The following SNTG2 variants were observed in gnomAD, a reference collection of about 807,000 sequenced individuals.
The protein encoded by SNTG2 is gamma-2-syntrophin.
SNTG2 carries 74 observed loss-of-function variants against 70.9 expected under a neutral mutation model. The ratio of observed to expected loss-of-function variants is 1.04; its 90% confidence interval spans 0.86 to 1.27. The LOEUF (loss-of-function observed/expected upper bound fraction) is 1.27, where lower values mean the gene tolerates loss of function less well. SNTG2 is among the 50% of genes most tolerant of loss of function. The pLI is 0.00. For missense variants in SNTG2, 717 were observed against 690.7 expected (o/e 1.04, Z -0.43); for synonymous variants, 278 against 273.8 (o/e 1.02, Z -0.15).
chr2:977,500 G>A (rs1279817070), intron 1 of SNTG2, among the ~76,000 whole-genome samples: 3 of 152,064 alleles, frequency 2.0e-5, no homozygotes, highest in South Asian at 2.1e-4. Context: ...CCCCTGACCC[G>A]CTGCCTCCAC....
intron 1 of SNTG2, among the ~76,000 whole-genome samples, chr2:982,744 G>C (rs760208154): frequency 6.6e-6 from 1 of 152,196 alleles, no homozygotes. Context: ...TGCTCACTCA[G>C]CACCTCGGGT....
At chr2:1,061,357 A>G (rs1358288215) in intron 1 of SNTG2, among the ~76,000 whole-genome samples, 1 of 152,236 alleles carries the variant, frequency 6.6e-6, no homozygotes, top group African/African-American at 2.4e-5. Flanking sequence ...GATCATGATC[A>G]ATGGGGTCAC....
intron 4 of SNTG2, among the ~76,000 whole-genome samples, chr2:1,122,202 T>C (rs1398745423): frequency 1.3e-5 from 2 of 152,152 alleles, no homozygotes; most frequent in African/African-American, 2.4e-5. Context: ...TATGAATACT[T>C]CTCAAACTCT....
At chr2:1,035,372 A>G (rs779806553) in intron 1 of SNTG2, among the ~76,000 whole-genome samples, 1 of 152,158 alleles carries the variant, frequency 6.6e-6, no homozygotes, top group Non-Finnish European at 1.5e-5. Flanking sequence ...GCAGTGCTCT[A>G]TGGTGCTGTA....
At chr2:1,152,706 A>G (rs74413841) in intron 6 of SNTG2, among the ~76,000 whole-genome samples, 3,241 of 152,326 alleles carry the variant, frequency 0.021, 114 homozygotes, top group African/African-American at 0.074. Context: ...TTTATCCGGC[A>G]GGTAGATTTT....
chr2:1,340,901 G>T (rs1160941498), intron 16 of SNTG2: 2 of 152,066 alleles, frequency 1.3e-5, no homozygotes, highest in Non-Finnish European at 2.9e-5. Flanking sequence ...AAGACACCTG[G>T]CTCAAAGAAA....
At chr2:1,190,678 T>C (rs1347090659) in intron 8 of SNTG2, among the ~76,000 whole-genome samples, 1 of 151,602 alleles carries the variant, frequency 6.6e-6, no homozygotes, top group Non-Finnish European at 1.5e-5. Flanking sequence ...ACAAAATATA[T>C]AATTGAATAT....
chr2:1,334,253 T>G (rs774409662), intron 16 of SNTG2, among the ~76,000 whole-genome samples: 1 of 152,114 alleles, frequency 6.6e-6, no homozygotes, highest in Non-Finnish European at 1.5e-5. Context: ...TAAGCTACCT[T>G]ACTCCTGCAA....
At chr2:955,007 T>C (rs58740305) in intron 1 of SNTG2, among the ~76,000 whole-genome samples, 5,812 of 152,308 alleles carry the variant, frequency 0.038, 366 homozygotes, top group African/African-American at 0.13. Flanking sequence ...TTTAAGAAAG[T>C]GAGTATGCTT....
At position 1,301,683 on chromosome 2, in the gene SNTG2, C is replaced by T. The variant is rs1305587299; in HGVS notation, c.1285-6811C>T. On this transcript the variant is annotated intron_variant, in intron 14 of 16. Transcript: ENST00000308624. ...CTACAGAGGCCAGAAGGGAGTGTCC[C>T]AATATTGTTTTAAGTGCTGAAAGAA... Among the ~76,000 whole-genome samples the T allele has an allele frequency of 2.6e-5, 4 of 152,060 alleles. No homozygotes were observed. The East Asian group carries it at 5.8e-4, about 22-fold the overall frequency.
chr2:1,001,515 C>G (rs909170276), intron 1 of SNTG2, among the ~76,000 whole-genome samples: 2 of 151,780 alleles, frequency 1.3e-5, no homozygotes, highest in Admixed American at 1.3e-4. Context: ...ATTCCATGTA[C>G]AATAGCTACA....
intron 1 of SNTG2, among the ~76,000 whole-genome samples, chr2:1,025,449 C>T (rs1459669933): frequency 6.6e-6 from 1 of 152,146 alleles, no homozygotes; most frequent in Non-Finnish European, 1.5e-5. Context: ...TTTTTTACTG[C>T]AGAGCACAAA....
intron 1 of SNTG2, among the ~76,000 whole-genome samples, chr2:1,062,090 C>G (rs1489491653): frequency 1.3e-5 from 2 of 152,068 alleles, no homozygotes; most frequent in Non-Finnish European, 2.9e-5. Flanking sequence ...ACAAATGCTA[C>G]AATGAAGGAT....
intron 1 of SNTG2, among the ~76,000 whole-genome samples, chr2:1,039,312 A>G (rs1234328029): frequency 6.6e-6 from 1 of 152,196 alleles, no homozygotes; most frequent in African/African-American, 2.4e-5. Context: ...TTTTCTCACA[A>G]TTAGATTGCA....
intron 1 of SNTG2, among the ~76,000 whole-genome samples, chr2:971,675 TG>T (rs1249123262): frequency 6.6e-6 from 1 of 151,932 alleles, no homozygotes; most frequent in Non-Finnish European, 1.5e-5. Context: ...ACTCTAATTT[TG>T]TTTCTTTTCT....
intron 8 of SNTG2, among the ~76,000 whole-genome samples, chr2:1,198,695 A>G (rs1673081525): frequency 1.3e-5 from 2 of 152,098 alleles, no homozygotes; most frequent in Admixed American, 6.5e-5. Context: ...ATTAGAAACA[A>G]AAAAGATTTT....
chr2:1,354,818 G>A (rs1573021467), intron 16 of SNTG2, among the ~76,000 whole-genome samples: 2 of 152,240 alleles, frequency 1.3e-5, no homozygotes, highest in Admixed American at 6.5e-5. Context: ...CTGGAGTGAC[G>A]TGTGAGAAGA....
chr2:1,118,808 TGAGA>T (rs982455551), intron 4 of SNTG2, among the ~76,000 whole-genome samples: 4 of 151,984 alleles, frequency 2.6e-5, no homozygotes, highest in Non-Finnish European at 4.4e-5. Flanking sequence ...ATTATGGGAC[TGAGA>T]AGGAGCAAAA....
intron 1 of SNTG2, among the ~76,000 whole-genome samples, chr2:957,406 G>A (rs948700261): frequency 1.3e-5 from 2 of 152,120 alleles, no homozygotes; most frequent in Admixed American, 6.5e-5. Flanking sequence ...GGGGTTTGGC[G>A]ATGATTAAGT....
Sources: gnomAD v4.1 joint callset for allele counts (sites outside exome capture counted in the v4.1 genomes callset) on GRCh38, gnomAD v4.1.1 for gene constraint, MANE v1.5 for transcripts, NCBI Gene and HGNC (gene_info 2026-07-23, HGNC 2026-07-21) for gene names.